Variants in DSCAM observed in about 807,000 individuals in gnomAD.
DSCAM encodes the protein DS cell adhesion molecule.
A neutral mutation model predicts 217.7 loss-of-function variants in DSCAM; 47 were observed. The ratio of observed to expected loss-of-function variants is 0.22; its 90% CI spans 0.17 to 0.28. The LOEUF (loss-of-function observed/expected upper bound fraction) is 0.28, where lower values mean the gene tolerates loss of function less well. DSCAM is among the 10% of genes least tolerant of loss of function. The pLI is 1.00. For missense variants in DSCAM, 2,080 were observed against 2,618.3 expected, an observed-to-expected ratio of 0.79 and a Z score of 4.49; for synonymous variants, 1,056 against 1,015.3, an observed-to-expected ratio of 1.04 and a Z score of -0.76.
chr21:40,755,635 A>G (rs1379521804), intron 1 of DSCAM, among the ~76,000 whole-genome samples: 1 of 152,132 alleles, frequency 6.6e-6, no homozygotes, highest in African/African-American at 2.4e-5. Flanking sequence ...AAATGCTGCA[A>G]TAAAAAGATA....
chr21:40,639,391 A>T (rs9984989), intron 3 of DSCAM, among the ~76,000 whole-genome samples: 76,138 of 152,038 alleles, frequency 0.5, 19,160 homozygotes, highest in Admixed American at 0.58. Context: ...TGATACTTAG[A>T]TACTGACAAA....
At position 40,675,038 on chromosome 21, in the gene DSCAM, C is replaced by T. The variant is rs1408900337; in HGVS notation, c.508+17772G>A. Among the ~76,000 whole-genome samples, 13 of 152,268 alleles carry T rather than the reference C, an allele frequency of 8.5e-5. No individual in the cohort carries two copies. The East Asian group carries it at 1.4e-3, about 16-fold the overall frequency. ...AAACACACACACACACACATGCACG[C>T]GCACACACGTACACACGATGCATGT... On this transcript the variant is annotated intron_variant, in intron 3 of 32. Transcript: ENST00000400454.
Position 40,555,270 on chromosome 21 carries a change from C to T in DSCAM, c.508+137540G>A, listed in dbSNP as rs553081346. ...GGAACACAGGGAAGAAAAAAGCACA[C>T]GTGATCTTGAGCATTTAAAACACAG... On this transcript the variant is annotated intron_variant, in intron 3 of 32. Coordinates refer to ENST00000400454, the MANE Select transcript of DSCAM (RefSeq NM_001389.5). Among the ~76,000 whole-genome samples, 9 of 152,228 alleles carry T rather than the reference C, an allele frequency of 5.9e-5. No homozygotes were observed. The East Asian group carries it at 7.7e-4, about 13-fold the overall frequency.
chr21:40,240,470 CTT>C (rs1161430642), intron 11 of DSCAM, among the ~76,000 whole-genome samples: 4 of 146,006 alleles, frequency 2.7e-5, no homozygotes, highest in African/African-American at 1.0e-4. Context: ...TTGGATTACA[CTT>C]TGTCTGCCTT....
rs1817974226 is a variant in DSCAM at position 40,841,472 on chromosome 21, A to G, written c.43+5147T>C. On this transcript the variant is annotated intron_variant, in intron 1 of 32. Transcript: ENST00000400454. ...AATATAGTTGGGGGGAGGGGCGCGG[A>G]GAGATAAGATGAGCATTTTTGTGCC... 1.3e-5 allele frequency among the ~76,000 whole-genome samples: 2 copies of G among 152,172 alleles called. 1 individual carries two copies. The highest frequency in any genetic ancestry group is 4.1e-4 in the South Asian group (2 of 4,828).
intron 11 of DSCAM, among the ~76,000 whole-genome samples, chr21:40,194,066 A>G (rs2090982526): frequency 6.6e-6 from 1 of 152,158 alleles, no homozygotes; most frequent in Non-Finnish European, 1.5e-5. Context: ...ATCGCATTTG[A>G]TGAGAGAAGT....
intron 3 of DSCAM, among the ~76,000 whole-genome samples, chr21:40,440,439 T>C: frequency 1.1e-5 from 1 of 89,444 alleles, no homozygotes; most frequent in Non-Finnish European, 2.2e-5. Flanking sequence ...AAAGAGACAG[T>C]ATAGAAGAAG....
chr21:40,602,369 T>C (rs962377720), intron 3 of DSCAM, among the ~76,000 whole-genome samples: 6 of 152,184 alleles, frequency 3.9e-5, no homozygotes, highest in African/African-American at 7.2e-5. Context: ...TCAGCTTTTA[T>C]TTTTAGGAAG....
intron 9 of DSCAM, among the ~76,000 whole-genome samples, chr21:40,301,796 T>C (rs1303154275): frequency 6.6e-6 from 1 of 152,152 alleles, no homozygotes; most frequent in Non-Finnish European, 1.5e-5. Context: ...TACTTCAGTT[T>C]TATAGACTAG....
intron 11 of DSCAM, among the ~76,000 whole-genome samples, chr21:40,217,796 C>T (rs2091256843): frequency 6.6e-6 from 1 of 152,022 alleles, no homozygotes; most frequent in Non-Finnish European, 1.5e-5. Flanking sequence ...TGCTTGTTGG[C>T]CACATATATG....
intron 3 of DSCAM, among the ~76,000 whole-genome samples, chr21:40,607,829 G>A (rs538138457): frequency 7.9e-5 from 12 of 152,260 alleles, no homozygotes; most frequent in African/African-American, 1.7e-4. Flanking sequence ...ACCCTGTCTC[G>A]GGTATGTCTT....
chr21:40,422,573 C>T (rs545091752), intron 3 of DSCAM, among the ~76,000 whole-genome samples: 2 of 152,124 alleles, frequency 1.3e-5, no homozygotes, highest in East Asian at 1.9e-4. Flanking sequence ...ATTCAGGAGG[C>T]GGAGGTTGCA....
intron 3 of DSCAM, among the ~76,000 whole-genome samples, chr21:40,425,409 C>T (rs1335836871): frequency 1.3e-5 from 2 of 151,920 alleles, no homozygotes; most frequent in African/African-American, 4.8e-5. Context: ...GTTTGGTTGA[C>T]GAGTTAACGG....
chr21:40,052,614 G>C (rs561481429), intron 29 of DSCAM, among the ~76,000 whole-genome samples: 2 of 152,296 alleles, frequency 1.3e-5, no homozygotes, highest in Admixed American at 1.3e-4. Flanking sequence ...GTTTGGAGGG[G>C]AAATAAAAGA....
intron 3 of DSCAM, among the ~76,000 whole-genome samples, chr21:40,434,776 C>T (rs1284049610): frequency 6.6e-6 from 1 of 152,130 alleles, no homozygotes; most frequent in Non-Finnish European, 1.5e-5. Context: ...ATCAATACAA[C>T]ATGTGTCACA....
In DSCAM at chr21:40,144,403, G is replaced by T; in HGVS notation, c.3259+88C>A. 1 of 1,566,136 alleles carries T rather than the reference G, an allele frequency of 6.4e-7. No individual in the cohort carries two copies. The highest frequency in any genetic ancestry group is 8.7e-7 in the Non-Finnish European group (1 of 1,152,710). ...AGGTCACTGCAAAGTCGTGGGGCGG[G>T]GGAGTGCGAGGTTGGGGGAGCCCCG... On this transcript the variant is annotated intron_variant, in intron 17 of 32. Coordinates refer to ENST00000400454, the MANE Select transcript of DSCAM (RefSeq NM_001389.5). The surrounding 1 kb of genome is among the most constrained non-coding windows in gnomAD (Gnocchi z 4.8).
At chr21:40,234,986 A>T (rs550314031) in intron 11 of DSCAM, among the ~76,000 whole-genome samples, 20 of 152,160 alleles carry the variant, frequency 1.3e-4, no homozygotes, top group Non-Finnish European at 2.6e-4. Context: ...AAAAATCACT[A>T]TCACTATCAG....
intron 3 of DSCAM, among the ~76,000 whole-genome samples, chr21:40,669,547 A>C (rs2090245049): frequency 6.6e-6 from 1 of 151,900 alleles, no homozygotes; most frequent in African/African-American, 2.4e-5. Context: ...ATAAAGACAG[A>C]TAAAATTACT....
intron 3 of DSCAM, 48 bp from the exon 4 acceptor site, chr21:40,369,293 C>T (rs769807256): frequency 1.3e-6 from 2 of 1,559,108 alleles, no homozygotes; most frequent in Admixed American, 2.0e-5. Flanking sequence ...ATGAAAGCAA[C>T]CCAACCACAC....
Sources: allele counts gnomAD v4.1 joint callset (sites outside exome capture counted in the v4.1 genomes callset), GRCh38; gene constraint gnomAD v4.1.1; non-coding constraint Gnocchi (gnomAD v3.1); transcripts MANE v1.5; gene names NCBI Gene and HGNC (gene_info 2026-07-23, HGNC 2026-07-21).